The following ADGRL2 variants were observed in gnomAD, a reference collection of about 807,000 sequenced individuals.
ADGRL2 encodes adhesion G protein-coupled receptor L2.
In ADGRL2, 44 loss-of-function variants were observed where a neutral mutation model predicts 157.4. The ratio of observed to expected loss-of-function variants is 0.28; its 90% confidence interval spans 0.22 to 0.36. The LOEUF (loss-of-function observed/expected upper bound fraction) is 0.36. ADGRL2 is among the 10% of genes least tolerant of loss of function. The pLI is 1.00. For missense variants in ADGRL2, 1,510 were observed against 1,768.9 expected, an observed-to-expected ratio of 0.85 and a Z score of 2.63; for synonymous variants, 585 against 624.7, an observed-to-expected ratio of 0.94 and a Z score of 0.95.
chr1:81,801,410 C>A (rs2088088610), intron 1 of ADGRL2, among the ~76,000 whole-genome samples: 1 of 152,066 alleles, frequency 6.6e-6, no homozygotes, highest in Non-Finnish European at 1.5e-5. Flanking sequence ...CGCATTCCCC[C>A]GTCTCTCTCT....
chr1:81,692,277 G>A (rs538137149), intron 3 of ADGRL2, among the ~76,000 whole-genome samples: 3 of 151,728 alleles, frequency 2.0e-5, no homozygotes, highest in African/African-American at 7.2e-5. Context: ...CTCCAGCCTG[G>A]GCAACAGAGT....
rs569365333 is a variant in ADGRL2, at chr1:81,391,326, G to T, written c.-301-53710G>T. Among the ~76,000 whole-genome samples, 12 of 152,410 alleles carry T rather than the reference G, an allele frequency of 7.9e-5. No individual in the cohort carries two copies. In the East Asian group the frequency reaches 2.3e-3, roughly 29 times the overall value. Reference sequence around the variant, plus strand: ...CAATTGCAACACCACTGCAGCAAGTGCTGGCATAGAAGAGCTGCTCTGCGA... The same window carrying T: ...CAATTGCAACACCACTGCAGCAAGTTCTGGCATAGAAGAGCTGCTCTGCGA... On this transcript the variant is annotated intron_variant, in intron 1 of 24. Transcript: ENST00000370721.
chr1:81,338,160 C>T (rs1169255975), intron 1 of ADGRL2, among the ~76,000 whole-genome samples: 6 of 152,048 alleles, frequency 3.9e-5, no homozygotes, highest in African/African-American at 1.2e-4. Context: ...GTCAGAAGTT[C>T]GCGACCAGCC....
chr1:81,746,810 A>C (rs570513662), intron 1 of ADGRL2, among the ~76,000 whole-genome samples: 1 of 151,596 alleles, frequency 6.6e-6, no homozygotes, highest in African/African-American at 2.4e-5. Context: ...TCTGAGAATT[A>C]GTATACTAAT....
chr1:81,590,027 TTA>T (rs1362254365), intron 3 of ADGRL2, among the ~76,000 whole-genome samples: 1 of 152,168 alleles, frequency 6.6e-6, no homozygotes, highest in East Asian at 1.9e-4. Flanking sequence ...AACTCATATC[TTA>T]TATCTACCAA....
chr1:81,418,489 C>T lies in ADGRL2; in HGVS notation c.-301-26547C>T, dbSNP rs536523098. On this transcript the variant is annotated intron_variant, in intron 1 of 24. Transcript: ENST00000370721. Reference sequence around the variant, plus strand: ...ATTCCAGGCCGAGTGTGGTGGCTCACGCCTGTAATCCCAGCACTTTGGGAG... The same window carrying T: ...ATTCCAGGCCGAGTGTGGTGGCTCATGCCTGTAATCCCAGCACTTTGGGAG... 1.7e-4 allele frequency among the ~76,000 whole-genome samples: 26 copies of T among 152,264 alleles called. No individual in the cohort carries two copies. In the East Asian group the frequency reaches 3.5e-3, roughly 20 times the overall value.
chr1:81,698,347 C>T (rs188228444), upstream of ADGRL2, among the ~76,000 whole-genome samples: 12 of 152,234 alleles, frequency 7.9e-5, 1 homozygote, highest in East Asian at 1.9e-3. Context: ...ACCATGTATA[C>T]ATCCTATATA....
intron 1 of ADGRL2, among the ~76,000 whole-genome samples, chr1:81,317,772 G>A (rs181753284): frequency 1.3e-5 from 2 of 151,762 alleles, no homozygotes; most frequent in Admixed American, 6.6e-5. Flanking sequence ...GGGTCTGTCT[G>A]CATATTTATT....
chr1:81,881,277 G>A (rs1217749438), intron 2 of ADGRL2, among the ~76,000 whole-genome samples: 1 of 152,166 alleles, frequency 6.6e-6, no homozygotes, highest in Non-Finnish European at 1.5e-5. Context: ...CCGGGCTCAC[G>A]CCATTCTCCT....
intron 1 of ADGRL2, among the ~76,000 whole-genome samples, chr1:81,309,996 TTC>T (rs1210777572): frequency 6.6e-6 from 1 of 152,190 alleles, no homozygotes; most frequent in Non-Finnish European, 1.5e-5. Context: ...AAATACTTTT[TTC>T]TGTCTTGTCA....
At chr1:81,382,520 G>A (rs1055175537) in intron 1 of ADGRL2, among the ~76,000 whole-genome samples, 4 of 152,006 alleles carry the variant, frequency 2.6e-5, no homozygotes, top group Admixed American at 1.3e-4. Flanking sequence ...CATTGTGTAG[G>A]TTATTTGCTT....
chr1:81,622,454 G>A (rs550005825), intron 3 of ADGRL2, among the ~76,000 whole-genome samples: 1 of 152,260 alleles, frequency 6.6e-6, no homozygotes, highest in Non-Finnish European at 1.5e-5. Context: ...GGTGGCACAC[G>A]CCTGTAGTCC....
intron 3 of ADGRL2, among the ~76,000 whole-genome samples, chr1:81,687,924 T>C (rs1480794614): frequency 1.3e-5 from 2 of 152,220 alleles, no homozygotes; most frequent in African/African-American, 4.8e-5. Flanking sequence ...CCTTCTTATA[T>C]GATGCTTAGT....
At chr1:81,819,566 TAA>T (rs1465409395) in intron 1 of ADGRL2, among the ~76,000 whole-genome samples, 1 of 152,200 alleles carries the variant, frequency 6.6e-6, no homozygotes, top group Non-Finnish European at 1.5e-5. Flanking sequence ...TGCATATGTT[TAA>T]GTGATACTAA....
intron 2 of ADGRL2, among the ~76,000 whole-genome samples, chr1:81,552,142 C>T (rs1218550919): frequency 6.6e-6 from 1 of 152,132 alleles, no homozygotes; most frequent in Non-Finnish European, 1.5e-5. Flanking sequence ...TTCCTCTGTT[C>T]ACTGTTGACT....
intron 1 of ADGRL2, among the ~76,000 whole-genome samples, chr1:81,713,230 GAACTTTTGAGA>G (rs992306188): frequency 3.9e-5 from 6 of 152,086 alleles, no homozygotes; most frequent in African/African-American, 1.4e-4. Context: ...TGCATTGAGG[GAACTTTTGAGA>G]TACACTCTGA....
At chr1:81,934,877 A>G (rs145492835) in intron 3 of ADGRL2, among the ~76,000 whole-genome samples, 3 of 152,076 alleles carry the variant, frequency 2.0e-5, no homozygotes, top group East Asian at 1.9e-4. Flanking sequence ...CACTGTAGGT[A>G]TGAATAAATA....
chr1:81,352,629 G>C (rs1662983229), intron 1 of ADGRL2, among the ~76,000 whole-genome samples: 1 of 152,092 alleles, frequency 6.6e-6, no homozygotes, highest in Admixed American at 6.6e-5. Context: ...GTGTTATATG[G>C]CCTTCCTATC....
chr1:81,634,408 G>A lies in ADGRL2; in HGVS notation c.-143+53428G>A, dbSNP rs116016356. On this transcript the variant is annotated intron_variant, in intron 3 of 24. Coordinates refer to the ADGRL2 transcript ENST00000370721. The stretch of plus-strand genomic sequence containing the variant: ...CCCATTGCAAGTGGACTTTAAAAAG[G>A]CAAAGTTACACATCATCTGGCTTCT... 7.4e-3 allele frequency among the ~76,000 whole-genome samples: 1,124 copies of A among 151,846 alleles called. 13 individuals are homozygous for A. Among genetic ancestry groups the A allele is most frequent in the Non-Finnish European group, 0.011 (723 of 67,970 alleles).
Sources: allele counts gnomAD v4.1 joint callset (sites outside exome capture counted in the v4.1 genomes callset), GRCh38; gene constraint gnomAD v4.1.1; transcripts MANE v1.5; gene names NCBI Gene and HGNC (gene_info 2026-07-23, HGNC 2026-07-21).